The following CTNND2 variants were observed in gnomAD, a reference collection of about 807,000 sequenced individuals.
The protein encoded by CTNND2 is catenin delta-2.
A neutral mutation model predicts 144.4 loss-of-function variants in CTNND2; 22 were observed. That is an observed-to-expected ratio of 0.15 (90% CI 0.11 to 0.22). CTNND2 has a LOEUF of 0.22. Ranked by LOEUF, CTNND2 falls within the 10% of genes least tolerant of loss-of-function variation. The probability of loss-of-function intolerance (pLI) is 1.00; values close to 1 mark genes in which losing one functional copy is unlikely to be tolerated. For missense variants in CTNND2, 1,353 were observed against 1,618.8 expected (o/e 0.84, Z 2.82); for synonymous variants, 751 against 695.6 (o/e 1.08, Z -1.25).
At chr5:11,279,816 G>A (rs1481112954) in intron 9 of CTNND2, among the ~76,000 whole-genome samples, 2 of 152,148 alleles carry the variant, frequency 1.3e-5, no homozygotes, top group Admixed American at 1.3e-4. Flanking sequence ...AGGAGCAAGA[G>A]AGAGAGAGCA....
At chr5:11,779,985 C>T (rs1200827253) in intron 1 of CTNND2, among the ~76,000 whole-genome samples, 1 of 152,130 alleles carries the variant, frequency 6.6e-6, no homozygotes, top group Non-Finnish European at 1.5e-5. Flanking sequence ...GGGGGAAGGA[C>T]AAGAGGAAGA....
At chr5:11,621,277 A>T (rs1780823348) in intron 2 of CTNND2, among the ~76,000 whole-genome samples, 1 of 152,220 alleles carries the variant, frequency 6.6e-6, no homozygotes, top group South Asian at 2.1e-4. Flanking sequence ...TATTCTGGCA[A>T]TGCAAAAAAA....
At chr5:11,887,117 G>T (rs1736605628) in intron 1 of CTNND2, among the ~76,000 whole-genome samples, 1 of 151,396 alleles carries the variant, frequency 6.6e-6, no homozygotes, top group Non-Finnish European at 1.5e-5. Flanking sequence ...CCCGGCAGCT[G>T]GGACTACAGG....
intron 16 of CTNND2, among the ~76,000 whole-genome samples, chr5:11,038,014 T>A (rs1744268611): frequency 6.6e-6 from 1 of 152,182 alleles, no homozygotes; most frequent in Admixed American, 6.5e-5. Flanking sequence ...CCTACCAGAA[T>A]GTAATTGAGT....
chr5:11,806,063 G>T (rs1340217718), intron 1 of CTNND2, among the ~76,000 whole-genome samples: 1 of 152,142 alleles, frequency 6.6e-6, no homozygotes, highest in Non-Finnish European at 1.5e-5. Context: ...GAAAGTCTGA[G>T]AATCTTCCAG....
intron 1 of CTNND2, among the ~76,000 whole-genome samples, chr5:11,762,201 A>G (rs897576257): frequency 2.0e-5 from 3 of 152,178 alleles, no homozygotes; most frequent in African/African-American, 4.8e-5. Flanking sequence ...AGCAAAAACT[A>G]CAGATGCACA....
chr5:11,243,956 C>T (rs1742719270), intron 9 of CTNND2, among the ~76,000 whole-genome samples: 1 of 152,138 alleles, frequency 6.6e-6, no homozygotes, highest in African/African-American at 2.4e-5. Context: ...GCTGTGTGGA[C>T]ATTATTAAAA....
chr5:11,008,801 G>T (rs998513134), intron 18 of CTNND2, among the ~76,000 whole-genome samples: 2 of 152,182 alleles, frequency 1.3e-5, no homozygotes, highest in Non-Finnish European at 1.5e-5. Context: ...TAATCAATTG[G>T]TTGGGGATTC....
intron 3 of CTNND2, among the ~76,000 whole-genome samples, chr5:11,463,346 T>C (rs1766384132): frequency 6.6e-6 from 1 of 152,248 alleles, no homozygotes; most frequent in East Asian, 1.9e-4. Context: ...ACAATTATTC[T>C]TTGAGTGCTT....
intron 9 of CTNND2, among the ~76,000 whole-genome samples, chr5:11,309,435 G>A (rs1305885124): frequency 1.3e-5 from 2 of 152,196 alleles, no homozygotes; most frequent in African/African-American, 2.4e-5. Flanking sequence ...TGCCTCCCCT[G>A]CTGGGTTGTA....
In CTNND2 at chr5:10,988,025, C is replaced by A; in HGVS notation, c.3343+86G>T. 6.4e-7 allele frequency: 1 copy of A among 1,557,426 alleles called. No homozygotes were observed. The highest frequency in any genetic ancestry group is 8.7e-7 in the Non-Finnish European group (1 of 1,144,676). On this transcript the variant is annotated intron_variant, in intron 20 of 21. Transcript: ENST00000304623. The surrounding 1 kb of genome is among the most constrained non-coding windows in gnomAD (Gnocchi z 5.9). ...CTGCTCAGCAGCCAAGCGCAGCCAGCCCCGTGAAGCCTGATGTCCCATATC... is the reference window on the plus strand; with the variant it reads ...CTGCTCAGCAGCCAAGCGCAGCCAGACCCGTGAAGCCTGATGTCCCATATC...
Position 11,267,775 on chromosome 5 carries a change from G to A in CTNND2, c.1629-30952C>T, listed in dbSNP as rs570355129. On this transcript the variant is annotated intron_variant, in intron 9 of 21. Transcript: ENST00000304623. ...ACATCTGGCTATTCAAATAAAGTTC[G>A]CAAAAAAGATTTTGCCAGTGGCATT... 1.1e-4 allele frequency among the ~76,000 whole-genome samples: 17 copies of A among 152,182 alleles called. No individual in the cohort carries two copies. In the South Asian group the frequency reaches 2.7e-3, roughly 24 times the overall value.
intron 11 of CTNND2, among the ~76,000 whole-genome samples, chr5:11,179,203 G>T (rs1236482300): frequency 6.6e-6 from 1 of 152,076 alleles, no homozygotes; most frequent in Non-Finnish European, 1.5e-5. Context: ...TGAGGTAGGA[G>T]AATCGCTTGA....
chr5:11,456,684 T>TA (rs35453108), intron 3 of CTNND2, among the ~76,000 whole-genome samples: 2 of 152,134 alleles, frequency 1.3e-5, no homozygotes, highest in Admixed American at 6.5e-5. Flanking sequence ...TTCTTGGCTT[T>TA]AAAAAAGGGA....
At chr5:11,652,012 T>C (rs576002849) in intron 2 of CTNND2, among the ~76,000 whole-genome samples, 2 of 152,236 alleles carry the variant, frequency 1.3e-5, no homozygotes, top group South Asian at 4.2e-4. Flanking sequence ...AAGGGATGAT[T>C]GTATTTTGCA....
intron 3 of CTNND2, among the ~76,000 whole-genome samples, chr5:11,477,381 AT>A (rs34661817): frequency 5.4e-4 from 79 of 146,644 alleles, no homozygotes; most frequent in East Asian, 3.5e-3. Flanking sequence ...CACATCACCT[AT>A]TTTTTTTTTT....
chr5:11,017,501 G>A (rs2149531606), intron 18 of CTNND2, among the ~76,000 whole-genome samples: 1 of 150,462 alleles, frequency 6.6e-6, no homozygotes, highest in South Asian at 2.1e-4. Flanking sequence ...AGTTTGCAGT[G>A]GTTCTTGATT....
At chr5:11,607,710 T>C (rs1780119782) in intron 2 of CTNND2, among the ~76,000 whole-genome samples, 1 of 152,220 alleles carries the variant, frequency 6.6e-6, no homozygotes, top group African/African-American at 2.4e-5. Flanking sequence ...AATATTATAT[T>C]ACTTAACTTA....
chr5:11,858,091 T>C (rs931610446), intron 1 of CTNND2, among the ~76,000 whole-genome samples: 7 of 152,218 alleles, frequency 4.6e-5, no homozygotes, highest in African/African-American at 1.7e-4. Context: ...AACCCAGCCA[T>C]GGACCATTTT....
Sources: allele counts gnomAD v4.1 joint callset (sites outside exome capture counted in the v4.1 genomes callset), GRCh38; gene constraint gnomAD v4.1.1; non-coding constraint Gnocchi (gnomAD v3.1); transcripts MANE v1.5; gene names NCBI Gene and HGNC (gene_info 2026-07-23, HGNC 2026-07-21).